SPATS2: variants seen among roughly 807,000 people sequenced by gnomAD.
The protein encoded by SPATS2 is spermatogenesis-associated serine-rich protein 2.
A neutral mutation model predicts 63.7 loss-of-function variants in SPATS2; 38 were observed. That is an observed-to-expected ratio of 0.60 (90% CI 0.46 to 0.78). The LOEUF is 0.78. SPATS2 is among the 30% of genes least tolerant of loss of function. The probability of loss-of-function intolerance (pLI) is 0.00; values close to 1 mark genes in which losing one functional copy is unlikely to be tolerated. For synonymous variants in SPATS2, 207 were observed against 232.9 expected, an observed-to-expected ratio of 0.89 and a Z score of 1.01; for missense variants, 588 against 666.2, an observed-to-expected ratio of 0.88 and a Z score of 1.29.
intron 3 of SPATS2, among the ~76,000 whole-genome samples, chr12:49,473,715 T>C (rs895662372): frequency 6.6e-6 from 1 of 152,186 alleles, no homozygotes; most frequent in African/African-American, 2.4e-5. Context: ...TATTCAGCAA[T>C]GAAAACGAAT....
At chr12:49,464,020 A>G (rs1424547530) in intron 3 of SPATS2, among the ~76,000 whole-genome samples, 1 of 152,166 alleles carries the variant, frequency 6.6e-6, no homozygotes, top group Admixed American at 6.5e-5. Context: ...TGTGAACTGG[A>G]GAAGTATATA....
chr12:49,397,198 C>A (rs1380446893), intron 2 of SPATS2, among the ~76,000 whole-genome samples: 1 of 152,158 alleles, frequency 6.6e-6, no homozygotes, highest in Admixed American at 6.6e-5. Context: ...TGAGAGAAGT[C>A]TTTGCTGACT....
In SPATS2 at chr12:49,407,653, G is replaced by A. The variant is rs1565706890; in HGVS notation, c.-244+36363G>A. On this transcript the variant is annotated intron_variant, in intron 2 of 13. Coordinates refer to ENST00000552918, the MANE Select transcript of SPATS2 (RefSeq NM_023071.4). The stretch of plus-strand genomic sequence containing the variant: ...ATTGGTGAGGCCCTGGCTCTCTATC[G>A]CCTTTACCCTGCTTCATTTTCTCTG... 2.6e-5 allele frequency among the ~76,000 whole-genome samples: 4 copies of A among 152,042 alleles called. No homozygotes were observed. In the South Asian group the frequency reaches 6.2e-4, roughly 24 times the overall value.
In SPATS2 at chr12:49,498,145, A is replaced by AATATATATATAT. The variant is rs1555191172; in HGVS notation, c.703+1149_703+1160dup. On this transcript the variant is annotated intron_variant, in intron 8 of 13. Coordinates refer to ENST00000552918, the MANE Select transcript of SPATS2 (RefSeq NM_023071.4). The stretch of plus-strand genomic sequence containing the variant: ...ATCCAATCAAGCCAAAAAAAAAAAA[A>AATATATATATAT]ATATATATATATATATATATATATG... Among the ~76,000 whole-genome samples the AATATATATATAT allele has an allele frequency of 2.5e-3, 246 of 98,908 alleles. 1 individual carries two copies. Among genetic ancestry groups the AATATATATATAT allele is most frequent in the African/African-American group, 8.1e-3 (165 of 20,328 alleles). The allele number at this position is 98,908 out of a possible 152,430, so 64.9% of individuals were successfully genotyped here. A position where few individuals can be genotyped will look rare whatever the true frequency, so the allele number is the denominator to read the frequency against.
intron 3 of SPATS2, among the ~76,000 whole-genome samples, chr12:49,465,662 G>A (rs975432022): frequency 2.0e-5 from 3 of 151,942 alleles, no homozygotes; most frequent in African/African-American, 4.8e-5. Context: ...TTTCTTAATG[G>A]GCCGGGCGCG....
At chr12:49,521,350 T>C (rs1946938877) in intron 11 of SPATS2, among the ~76,000 whole-genome samples, 1 of 152,206 alleles carries the variant, frequency 6.6e-6, no homozygotes, top group South Asian at 2.1e-4. Context: ...AGTGGTGTTG[T>C]TCTCTCACTG....
At position 49,498,145 on chromosome 12, in the gene SPATS2, A is replaced by AATATATATAT. The variant is rs1555191172; in HGVS notation, c.703+1151_703+1160dup. 2.3e-3 allele frequency among the ~76,000 whole-genome samples: 228 copies of AATATATATAT among 98,914 alleles called. 5 individuals carry two copies. Among genetic ancestry groups the AATATATATAT allele is most frequent in the African/African-American group, 8.0e-3 (162 of 20,330 alleles). 64.9% of individuals were successfully genotyped at this position (98,914 alleles called of 152,430 possible). On this transcript the variant is annotated intron_variant, in intron 8 of 13. Coordinates refer to ENST00000552918, the MANE Select transcript of SPATS2 (RefSeq NM_023071.4). ...ATCCAATCAAGCCAAAAAAAAAAAA[A>AATATATATAT]ATATATATATATATATATATATATG...
chr12:49,462,083 A>T (rs970518085), intron 3 of SPATS2, among the ~76,000 whole-genome samples: 1 of 152,216 alleles, frequency 6.6e-6, no homozygotes, highest in Non-Finnish European at 1.5e-5. Flanking sequence ...AAAGTTGAGC[A>T]TTTAATTTTT....
Position 49,398,823 on chromosome 12 carries a change from A to G in SPATS2, c.-244+27533A>G, listed in dbSNP as rs1944557303. 2.6e-5 allele frequency among the ~76,000 whole-genome samples: 4 copies of G among 152,188 alleles called. 1 individual carries two copies. The highest frequency in any genetic ancestry group is 2.1e-4 in the South Asian group (1 of 4,828). ...AGCTCTTTTACTAGGAACATGTTCA[A>G]TTTGAGTTTCCTGTGGGATATCCAG... On this transcript the variant is annotated intron_variant, in intron 2 of 13. Coordinates refer to ENST00000552918, the MANE Select transcript of SPATS2 (RefSeq NM_023071.4).
At chr12:49,505,580 C>A (rs561880900) in intron 9 of SPATS2, among the ~76,000 whole-genome samples, 2 of 152,132 alleles carry the variant, frequency 1.3e-5, no homozygotes, top group African/African-American at 4.8e-5. Flanking sequence ...TGTCAGTGCT[C>A]AAAAAAGTAC....
intron 2 of SPATS2, among the ~76,000 whole-genome samples, chr12:49,378,074 G>A (rs557081515): frequency 6.6e-6 from 1 of 152,244 alleles, no homozygotes; most frequent in South Asian, 2.1e-4. Flanking sequence ...CAGGGTTCAA[G>A]CGATTCCCCT....
chr12:49,461,029 A>T lies in SPATS2; in HGVS notation c.17A>T (p.Asn6Ile). The T allele has an allele frequency of 6.2e-7, 1 of 1,613,998 alleles. No homozygotes were observed. Among genetic ancestry groups the T allele is most frequent in the Non-Finnish European group, 8.5e-7 (1 of 1,179,958 alleles). Residue 6 changes from asparagine to isoleucine, a missense_variant, in exon 3 of 14, where the codon AAC becomes ATC. By Grantham distance (149) the Asn-to-Ile change is moderately radical. Coordinates refer to ENST00000552918, the MANE Select transcript of SPATS2 (RefSeq NM_023071.4). The stretch of plus-strand genomic sequence containing the variant: ...GAAACGACAATGTCCAGGAAACAGA[A>T]CCAGAAGGGTAAGATTACATGTGGG... MSRKQ[N>I]QKDSSGFIFD...
intron 3 of SPATS2, among the ~76,000 whole-genome samples, chr12:49,482,240 C>T (rs1946218732): frequency 6.6e-6 from 1 of 152,224 alleles, no homozygotes; most frequent in South Asian, 2.1e-4. Context: ...TGTAGACCAT[C>T]TCAGTGCCTC....
chr12:49,466,540 C>T (rs1945919503), intron 3 of SPATS2, among the ~76,000 whole-genome samples: 1 of 152,132 alleles, frequency 6.6e-6, no homozygotes, highest in Non-Finnish European at 1.5e-5. Context: ...TGTTACAGCA[C>T]GTTTTGTTGA....
At chr12:49,430,397 T>G (rs1018942682) in intron 2 of SPATS2, among the ~76,000 whole-genome samples, 14 of 152,160 alleles carry the variant, frequency 9.2e-5, no homozygotes, top group South Asian at 4.1e-4. Context: ...CCACCATGCC[T>G]GGCATTTCAT....
At chr12:49,524,631 C>G (rs530711911) in intron 12 of SPATS2, 51 bp from the exon 13 acceptor site, 1 of 1,560,194 alleles carries the variant, frequency 6.4e-7, no homozygotes, top group African/African-American at 1.4e-5. Context: ...AAACCTTATC[C>G]ATTGTGCTGT....
intron 2 of SPATS2, among the ~76,000 whole-genome samples, chr12:49,439,015 T>A (rs1413352966): frequency 2.6e-5 from 4 of 152,012 alleles, no homozygotes; most frequent in African/African-American, 9.7e-5. Context: ...TAGAAAAAAA[T>A]GTAGAAAAAC....
intron 4 of SPATS2, 84 bp from the exon 5 acceptor site, chr12:49,489,381 C>A: frequency 2.1e-6 from 2 of 964,350 alleles, no homozygotes; most frequent in Non-Finnish European, 3.1e-6. Context: ...TGAAATATCA[C>A]TCTTTTCATT....
intron 4 of SPATS2, among the ~76,000 whole-genome samples, chr12:49,488,545 C>G (rs1735957127): frequency 6.6e-6 from 1 of 151,944 alleles, no homozygotes; most frequent in South Asian, 2.1e-4. Context: ...GTAATCCTGA[C>G]TACTCAGGAG....
Sources: allele counts gnomAD v4.1 joint callset (sites outside exome capture counted in the v4.1 genomes callset), GRCh38; gene constraint gnomAD v4.1.1; transcripts MANE v1.5; gene names NCBI Gene and HGNC (gene_info 2026-07-23, HGNC 2026-07-21).